Variants in DOK5 observed in about 807,000 individuals in gnomAD.
The protein encoded by DOK5 is downstream of tyrosine kinase 5.
In DOK5, 27 loss-of-function variants were observed where a neutral mutation model predicts 43.3. That is an observed-to-expected ratio of 0.62 (90% CI 0.46 to 0.86). The LOEUF (loss-of-function observed/expected upper bound fraction) is 0.86. DOK5 is among the 40% of genes least tolerant of loss of function. The pLI is 0.00. For synonymous variants in DOK5, 146 were observed against 140.1 expected (o/e 1.04, Z -0.30); for missense variants, 373 against 392.9 (o/e 0.95, Z 0.43).
chr20:54,493,274 G>A (rs1982263800), intron 1 of DOK5, among the ~76,000 whole-genome samples: 1 of 151,986 alleles, frequency 6.6e-6, no homozygotes, highest in African/African-American at 2.4e-5. Flanking sequence ...AGCCTGCTGC[G>A]TTCACTCGCT....
At chr20:54,499,546 G>A (rs1223637596) in intron 1 of DOK5, among the ~76,000 whole-genome samples, 1 of 152,210 alleles carries the variant, frequency 6.6e-6, no homozygotes, top group Non-Finnish European at 1.5e-5. Flanking sequence ...TAATATGGCA[G>A]TTATTGTACT....
intron 1 of DOK5, among the ~76,000 whole-genome samples, chr20:54,485,831 T>A (rs958194573): frequency 2.0e-5 from 3 of 152,226 alleles, no homozygotes; most frequent in African/African-American, 4.8e-5. Context: ...GTCATCACTG[T>A]GTTTTATCTT....
At chr20:54,507,377 A>C (rs571144092) in intron 1 of DOK5, among the ~76,000 whole-genome samples, 1 of 152,396 alleles carries the variant, frequency 6.6e-6, no homozygotes, top group Admixed American at 6.5e-5. Context: ...AAAGTGAAAT[A>C]GGTGAAATTA....
Position 54,548,229 on chromosome 20 carries a change from TTTTA to T in DOK5, c.67-6673_67-6670del, listed in dbSNP as rs10694715. Among the ~76,000 whole-genome samples the T allele has an allele frequency of 9.1e-3, 1,355 of 149,436 alleles. 11 individuals carry two copies. The highest frequency in any genetic ancestry group is 0.022 in the African/African-American group (868 of 39,702). On this transcript the variant is annotated intron_variant, in intron 1 of 7. Coordinates refer to ENST00000262593, the MANE Select transcript of DOK5 (RefSeq NM_018431.5). ...TGTATTTACATTAGGATTACCTATC[TTTTA>T]TTTATTTATTTATTTATTTATTTAT... is the stretch of plus-strand genomic sequence containing the variant.
At chr20:54,537,800 C>CTG (rs1306798955) in intron 1 of DOK5, among the ~76,000 whole-genome samples, 6 of 148,224 alleles carry the variant, frequency 4.0e-5, no homozygotes, top group South Asian at 4.3e-4. Context: ...ATCTTGGAAA[C>CTG]TGTGACTTTA....
chr20:54,513,476 A>C (rs1055239815), intron 1 of DOK5, among the ~76,000 whole-genome samples: 3 of 150,744 alleles, frequency 2.0e-5, no homozygotes, highest in East Asian at 1.9e-4. Context: ...AAAAAAAAAA[A>C]AAAAAAAAAA....
At chr20:54,484,891 G>A (rs1196243663) in intron 1 of DOK5, among the ~76,000 whole-genome samples, 2 of 152,140 alleles carry the variant, frequency 1.3e-5, no homozygotes, top group Non-Finnish European at 2.9e-5. Flanking sequence ...GGTGGTACAC[G>A]CCTGTAGTGC....
intron 1 of DOK5, chr20:54,494,704 C>G (rs1368661191): frequency 1.3e-5 from 2 of 151,726 alleles, no homozygotes; most frequent in Non-Finnish European, 2.9e-5. Context: ...AAATGCCCCA[C>G]TCTCCTCAGT....
intron 1 of DOK5, among the ~76,000 whole-genome samples, chr20:54,499,245 C>T (rs1453008476): frequency 1.3e-5 from 2 of 152,190 alleles, no homozygotes; most frequent in Non-Finnish European, 1.5e-5. Context: ...CTGTATTCAT[C>T]CTTTTTAATT....
At position 54,644,550 on chromosome 20, in the gene DOK5, A is replaced by AC. The variant is rs992902079; in HGVS notation, c.856+972_856+973insC. ...AAACCCCGTCTCTACTAAAAAACAC[A>AC]AAAAAATTAGCCGGGCGTGGTGGCG... On this transcript the variant is annotated intron_variant, in intron 7 of 7. Coordinates refer to ENST00000262593, the MANE Select transcript of DOK5 (RefSeq NM_018431.5). 1.2e-3 allele frequency among the ~76,000 whole-genome samples: 52 copies of AC among 42,640 alleles called. No individual in the cohort carries two copies. The South Asian group carries it at 0.033, about 27-fold the overall frequency. 28.0% of individuals were successfully genotyped at this position (42,640 alleles called of 152,430 possible).
At chr20:54,623,853 A>G (rs891760419) in intron 6 of DOK5, among the ~76,000 whole-genome samples, 2 of 152,212 alleles carry the variant, frequency 1.3e-5, no homozygotes, top group African/African-American at 2.4e-5. Context: ...TGCTTGGATT[A>G]CAGGCGTGAG....
chr20:54,639,412 A>G (rs1983702), intron 6 of DOK5, among the ~76,000 whole-genome samples: 117,272 of 152,166 alleles, frequency 0.77, 45,554 homozygotes, highest in East Asian at 1. Flanking sequence ...GGCTGTGCAA[A>G]CTATCCCCCA....
chr20:54,647,165 T>C (rs1177007989), intron 7 of DOK5, among the ~76,000 whole-genome samples: 1 of 152,180 alleles, frequency 6.6e-6, no homozygotes, highest in East Asian at 1.9e-4. Flanking sequence ...ATAGAAATTC[T>C]CTTCTATGAT....
At chr20:54,617,953 ACT>A (rs1253045238) in intron 6 of DOK5, among the ~76,000 whole-genome samples, 1 of 152,008 alleles carries the variant, frequency 6.6e-6, no homozygotes, top group Non-Finnish European at 1.5e-5. Flanking sequence ...CACCACAATA[ACT>A]CTGAGGTAGA....
rs988220256 is a variant in DOK5, at chr20:54,509,742, C to A, written c.66+33730C>A. The stretch of plus-strand genomic sequence containing the variant: ...TAATTAAATTCTGTAAGTTAAAACT[C>A]ATGCTGGTAAAGACCAAGCTTTAAT... On this transcript the variant is annotated intron_variant, in intron 1 of 7. Coordinates refer to ENST00000262593, the MANE Select transcript of DOK5 (RefSeq NM_018431.5). Among the ~76,000 whole-genome samples, 4 of 152,322 alleles carry A rather than the reference C, an allele frequency of 2.6e-5. No individual in the cohort carries two copies. In the East Asian group the frequency reaches 7.7e-4, roughly 29 times the overall value.
At chr20:54,611,509 C>A (rs796216176) in intron 6 of DOK5, among the ~76,000 whole-genome samples, 1 of 151,810 alleles carries the variant, frequency 6.6e-6, no homozygotes, top group South Asian at 2.1e-4. Context: ...TACAGTGAGC[C>A]GAGTTTGTGC....
intron 4 of DOK5, among the ~76,000 whole-genome samples, chr20:54,589,291 A>T (rs1408339258): frequency 6.6e-6 from 1 of 152,126 alleles, no homozygotes; most frequent in Non-Finnish European, 1.5e-5. Context: ...TTTTTTGGTC[A>T]TGCCTTTTTC....
At chr20:54,645,925 C>CAAA (rs550943378) in intron 7 of DOK5, among the ~76,000 whole-genome samples, 47 of 85,880 alleles carry the variant, frequency 5.5e-4, no homozygotes, top group Non-Finnish European at 8.2e-4. Context: ...GCAGATGCTG[C>CAAA]AAAAAAAAAA....
At chr20:54,476,104 G>A (rs1981412162) in intron 1 of DOK5, 92 bp downstream of exon 1, 5 of 1,574,056 alleles carry the variant, frequency 3.2e-6, no homozygotes, top group Admixed American at 3.9e-5. Flanking sequence ...AGAGTCCCCG[G>A]CCGCGCGCCG....
Sources: gnomAD v4.1 joint callset for allele counts (sites outside exome capture counted in the v4.1 genomes callset) on GRCh38, gnomAD v4.1.1 for gene constraint, MANE v1.5 for transcripts, NCBI Gene and HGNC (gene_info 2026-07-23, HGNC 2026-07-21) for gene names.